CHST15: variants seen among roughly 807,000 people sequenced by gnomAD.
The protein encoded by CHST15 is carbohydrate sulfotransferase 15.
In CHST15, 30 loss-of-function variants were observed where a neutral mutation model predicts 53.6. The ratio of observed to expected loss-of-function variants is 0.56; its 90% CI spans 0.42 to 0.76. The LOEUF is 0.76. CHST15 is among the 30% of genes least tolerant of loss of function. The pLI is 0.00. For synonymous variants in CHST15, 296 were observed against 289.8 expected, an observed-to-expected ratio of 1.02 and a Z score of -0.22; for missense variants, 627 against 740.5, an observed-to-expected ratio of 0.85 and a Z score of 1.78.
intron 6 of CHST15, chr10:124,020,607 G>C: frequency 1.0e-6 from 1 of 987,194 alleles, no homozygotes; most frequent in African/African-American, 1.7e-5. Flanking sequence ...GGCTTGTAAA[G>C]CCACTCTGGA....
In CHST15 at chr10:124,067,043, CG is replaced by C. The variant is rs1426880943; in HGVS notation, c.-512-20320del. ...TAACTGGCTGCACTTAGCACTGTGCCGGGCATGCAGCCCCATCTGAGTGACA... is the reference window on the plus strand; with the variant it reads ...TAACTGGCTGCACTTAGCACTGTGCCGGCATGCAGCCCCATCTGAGTGACA... On this transcript the variant is annotated intron_variant, in intron 1 of 7. Coordinates refer to ENST00000435907, the MANE Select transcript of CHST15 (RefSeq NM_001270764.2). Among the ~76,000 whole-genome samples, 5 of 152,214 alleles carry C rather than the reference CG, an allele frequency of 3.3e-5. No homozygotes were observed. The South Asian group carries it at 6.2e-4, about 19-fold the overall frequency.
intron 1 of CHST15, among the ~76,000 whole-genome samples, chr10:124,077,393 C>A (rs1949110185): frequency 6.6e-6 from 1 of 152,182 alleles, no homozygotes. Flanking sequence ...AATATGGGGC[C>A]CTTTAACTCA....
At position 124,045,126 on chromosome 10, in the gene CHST15, A is replaced by AAC. The variant is rs1947930196; in HGVS notation, c.547-208_547-207insGT. On this transcript the variant is annotated intron_variant, in intron 2 of 7. Coordinates refer to ENST00000435907, the MANE Select transcript of CHST15 (RefSeq NM_001270764.2). The stretch of plus-strand genomic sequence containing the variant: ...CCGCCGCCCCACAAAAAAAAAAAAA[A>AAC]AAAAAAAAAAAAAAAAAACTTGGAG... Among the ~76,000 whole-genome samples, 4 of 128,664 alleles carry AAC rather than the reference A, an allele frequency of 3.1e-5. 1 individual carries two copies. Among genetic ancestry groups the AAC allele is most frequent in the Non-Finnish European group, 4.8e-5 (3 of 61,930 alleles). 84.4% of individuals were successfully genotyped at this position (128,664 alleles called of 152,430 possible). A position where few individuals can be genotyped will look rare whatever the true frequency, so the allele number is the denominator to read the frequency against.
Position 124,012,482 on chromosome 10 carries a change from T to C in CHST15, c.1348-2A>G, listed in dbSNP as rs775578718. 6.2e-7 allele frequency: 1 copy of C among 1,609,680 alleles called. No individual in the cohort carries two copies. Among genetic ancestry groups the C allele is most frequent in the Non-Finnish European group, 8.5e-7 (1 of 1,176,892 alleles). ...ATAGAGCCCAACCTGGAGCCTCACC[T>C]AGGACCACAGAAGAAGGGCATTATT... On this transcript the variant is annotated splice_acceptor_variant, in intron 6 of 7. Coordinates refer to ENST00000435907, the MANE Select transcript of CHST15 (RefSeq NM_001270764.2). LOFTEE classifies it high-confidence loss of function.
chr10:124,055,292 T>C (rs776397570), intron 1 of CHST15, among the ~76,000 whole-genome samples: 13 of 152,134 alleles, frequency 8.5e-5, no homozygotes, highest in Admixed American at 8.5e-4. Flanking sequence ...TTCCCTTTTG[T>C]TTGTCTGCCT....
intron 4 of CHST15, 74 bp from the exon 5 acceptor site, chr10:124,038,745 G>A: frequency 6.7e-7 from 1 of 1,493,644 alleles, no homozygotes; most frequent in Non-Finnish European, 9.2e-7. Context: ...GGTGCCAGAG[G>A]CCACACCTGG....
chr10:124,009,750 C>G lies in CHST15; in HGVS notation c.*399G>C, dbSNP rs1407408787. 3 of 1,046,678 alleles carry G rather than the reference C, an allele frequency of 2.9e-6. No individual in the cohort carries two copies. Among genetic ancestry groups the G allele is most frequent in the Non-Finnish European group, 3.5e-6 (3 of 866,942 alleles). 64.8% of individuals were successfully genotyped at this position (1,046,678 alleles called of 1,614,324 possible). A position where few individuals can be genotyped will look rare whatever the true frequency, so the allele number is the denominator to read the frequency against. On this transcript the variant is annotated 3_prime_UTR_variant, in exon 8 of 8. Transcript: ENST00000435907. ...ACGTGAAGTGTAAGTTCCAGCCAGG[C>G]CTGTGGCATGACCTCTGGCTTGCTG...
intron 5 of CHST15, among the ~76,000 whole-genome samples, chr10:124,022,917 A>G (rs578239114): frequency 6.7e-6 from 1 of 150,168 alleles, no homozygotes; most frequent in African/African-American, 2.5e-5. Context: ...CCTGGGTTCA[A>G]GCGATTCTCC....
chr10:124,042,034 G>T (rs1375943014), intron 4 of CHST15, among the ~76,000 whole-genome samples: 1 of 152,174 alleles, frequency 6.6e-6, no homozygotes, highest in Non-Finnish European at 1.5e-5. Flanking sequence ...ACAAAGAAAT[G>T]GCAACTTCTC....
At chr10:124,027,284 G>A (rs899834774) in intron 5 of CHST15, among the ~76,000 whole-genome samples, 3 of 152,126 alleles carry the variant, frequency 2.0e-5, no homozygotes, top group Non-Finnish European at 4.4e-5. Context: ...GGAAATGTAT[G>A]TTAGGGGGCA....
At position 124,010,314 on chromosome 10, in the gene CHST15, A is replaced by G; in HGVS notation, c.1521T>C (p.Ala507=). Residue 507 remains alanine, a synonymous_variant, in exon 8 of 8, where the codon GCT becomes GCC. Coordinates refer to ENST00000435907, the MANE Select transcript of CHST15 (RefSeq NM_001270764.2). ...TGGATGCGGGGCTCTTGGTCATCAA[A>G]GCCTCCTGCTTCTCACTTAAGGGCC... ...NLGPLSEKQE[A]LMTKSPASNA... 1.9e-6 allele frequency: 3 copies of G among 1,607,936 alleles called. No individual in the cohort carries two copies. Among genetic ancestry groups the G allele is most frequent in the Non-Finnish European group, 2.6e-6 (3 of 1,176,192 alleles).
At chr10:124,054,641 CA>C (rs1948313684) in intron 1 of CHST15, among the ~76,000 whole-genome samples, 2 of 152,162 alleles carry the variant, frequency 1.3e-5, no homozygotes, top group African/African-American at 4.8e-5. Flanking sequence ...ACCTGCATTT[CA>C]ACCCGAATCA....
At chr10:124,050,282 C>T (rs1437128278) in intron 1 of CHST15, among the ~76,000 whole-genome samples, 3 of 152,138 alleles carry the variant, frequency 2.0e-5, no homozygotes. Flanking sequence ...CCAAGTGGAG[C>T]TTCTGTCCCA....
chr10:124,028,428 T>C (rs1000370001), intron 5 of CHST15, among the ~76,000 whole-genome samples: 4 of 152,198 alleles, frequency 2.6e-5, no homozygotes, highest in African/African-American at 9.7e-5. Context: ...TTCCTCCTCC[T>C]TTTGTATTTT....
chr10:124,044,784 T>G lies in CHST15; in HGVS notation c.682A>C (p.Thr228Pro). The G allele has an allele frequency of 6.2e-7, 1 of 1,610,216 alleles. No individual in the cohort carries two copies. The highest frequency in any genetic ancestry group is 1.3e-5 in the African/African-American group (1 of 74,840). ...AAGGCCTTGCGCAGGGCGTCGAAGG[T>G]GGAGCGGAAGCGCTTGGAGTAGAGC... ...YVLYSKRFRS[T>P]FDALRKAFWG... The change falls in exon 3 of 8, where the codon ACC becomes CCC. Residue 228 changes from threonine (T) to proline (P), a missense_variant. By Grantham distance (38) the Thr-to-Pro change is conservative. This residue lies in a region of CHST15 where 161 missense variants were observed against 117.2 expected (regional missense o/e 1.37). Coordinates refer to ENST00000435907, the MANE Select transcript of CHST15 (RefSeq NM_001270764.2).
At chr10:124,047,805 G>T (rs1306114656) in intron 1 of CHST15, among the ~76,000 whole-genome samples, 1 of 152,168 alleles carries the variant, frequency 6.6e-6, no homozygotes, top group Non-Finnish European at 1.5e-5. Context: ...TTATGATGAT[G>T]ATTTTTCATT....
chr10:124,055,496 C>T (rs1279539236), intron 1 of CHST15, among the ~76,000 whole-genome samples: 3 of 152,142 alleles, frequency 2.0e-5, no homozygotes, highest in Admixed American at 1.3e-4. Flanking sequence ...TTCCAGACAC[C>T]GGTGTCCAAT....
chr10:124,083,498 C>CT (rs1184173268), intron 1 of CHST15, among the ~76,000 whole-genome samples: 6 of 152,174 alleles, frequency 3.9e-5, no homozygotes, highest in South Asian at 2.1e-4. Flanking sequence ...ATGATTTTTT[C>CT]TTTTCCTTTT....
intron 6 of CHST15, chr10:124,020,145 G>T: frequency 1.0e-6 from 1 of 985,538 alleles, no homozygotes; most frequent in Non-Finnish European, 1.2e-6. Flanking sequence ...TCATGCAGGG[G>T]ACATAGTGGC....
Sources: gnomAD v4.1 joint callset for allele counts (sites outside exome capture counted in the v4.1 genomes callset) on GRCh38, gnomAD v4.1.1 for gene constraint, gnomAD v4.1.1 regional missense constraint, MANE v1.5 for transcripts, NCBI Gene and HGNC (gene_info 2026-07-23, HGNC 2026-07-21) for gene names.